EEFSEC: variants seen among roughly 807,000 people sequenced by gnomAD.
EEFSEC encodes the protein eukaryotic elongation factor, selenocysteine-tRNA specific, also known as selenocysteine-specific elongation factor.
In EEFSEC, 43 loss-of-function variants were observed where a neutral mutation model predicts 42.1. The observed-to-expected ratio is 1.02, with a 90% CI of 0.80 to 1.32. The LOEUF is 1.32. Ranked by LOEUF, EEFSEC falls within the 40% of genes most tolerant of loss-of-function variation. The pLI is 0.00. For synonymous variants in EEFSEC, 354 were observed against 339.1 expected, an observed-to-expected ratio of 1.04 and a Z score of -0.48; for missense variants, 745 against 803.6, an observed-to-expected ratio of 0.93 and a Z score of 0.88.
At chr3:128,416,105 G>C in the EEFSEC span, among the ~76,000 whole-genome samples, 37 of 152,170 alleles carry the variant, frequency 2.4e-4, no homozygotes, top group Non-Finnish European at 1.2e-4. Flanking sequence ...GATAAGGAGA[G>C]ACGGTTGCAG....
chr3:128,235,968 T>TTGTC (rs1384655334), intron 1 of EEFSEC, among the ~76,000 whole-genome samples: 1 of 152,030 alleles, frequency 6.6e-6, no homozygotes, highest in Non-Finnish European at 1.5e-5. Context: ...GTTTGTTTGT[T>TTGTC]TGTTTGTTTG....
chr3:128,250,433 A>T (rs2107905782), intron 2 of EEFSEC, among the ~76,000 whole-genome samples: 1 of 152,190 alleles, frequency 6.6e-6, no homozygotes, highest in South Asian at 2.1e-4. Context: ...TTTGTATATG[A>T]TGTAAGTTAA....
rs145065163 is a variant in EEFSEC, at chr3:128,176,340, C to T, written c.316+22517C>T. ...TAATCAGAGTATGGGAGCTTAACTG[C>T]GTTGATCGGCTGTAAAATTGTGAGT... On this transcript the variant is annotated intron_variant, in intron 1 of 6. Coordinates refer to ENST00000254730, the MANE Select transcript of EEFSEC (RefSeq NM_021937.5). 1.0e-3 allele frequency among the ~76,000 whole-genome samples: 159 copies of T among 152,026 alleles called. 1 individual carries two copies. The highest frequency in any genetic ancestry group is 3.6e-3 in the African/African-American group (151 of 41,412).
intron 1 of EEFSEC, 69 bp from the exon 2 acceptor site, chr3:128,246,767 G>T (rs1416081103): frequency 2.6e-6 from 4 of 1,540,962 alleles, no homozygotes; most frequent in Non-Finnish European, 3.6e-6. Context: ...TTGACCTGGG[G>T]CATTGGGCAA....
the EEFSEC span, among the ~76,000 whole-genome samples, chr3:128,423,216 C>CA: frequency 1.3e-5 from 2 of 152,034 alleles, no homozygotes; most frequent in Admixed American, 6.5e-5. Context: ...AAGTTACTGC[C>CA]AAAAAATGGA....
chr3:128,173,469 C>T lies in EEFSEC; in HGVS notation c.316+19646C>T, dbSNP rs72985514. ...GAGTGAGAATTCCTGCAATGAACGACGTGAATGGCGCACCGGAGAGATATG... is the reference window on the plus strand; with the variant it reads ...GAGTGAGAATTCCTGCAATGAACGATGTGAATGGCGCACCGGAGAGATATG... On this transcript the variant is annotated intron_variant, in intron 1 of 6. Transcript: ENST00000254730. 2.0e-3 allele frequency among the ~76,000 whole-genome samples: 308 copies of T among 152,280 alleles called. 1 individual carries two copies. Among genetic ancestry groups the T allele is most frequent in the African/African-American group, 7.0e-3 (291 of 41,562 alleles).
At chr3:128,346,865 A>G (rs929917771) in intron 5 of EEFSEC, among the ~76,000 whole-genome samples, 1 of 152,234 alleles carries the variant, frequency 6.6e-6, no homozygotes, top group East Asian at 1.9e-4. Flanking sequence ...TAGTTTTCAC[A>G]TGTAACAAAA....
Position 128,237,080 on chromosome 3 carries a change from A to G in EEFSEC, c.317-9756A>G, listed in dbSNP as rs183893273. On this transcript the variant is annotated intron_variant, in intron 1 of 6. Transcript: ENST00000254730. Reference sequence around the variant, plus strand: ...TGTGAACTAGCTGTTGATACCATTTACATTTTTGATTGGACTGTCGCTCTT... The same window carrying G: ...TGTGAACTAGCTGTTGATACCATTTGCATTTTTGATTGGACTGTCGCTCTT... Among the ~76,000 whole-genome samples, 5 of 152,338 alleles carry G rather than the reference A, an allele frequency of 3.3e-5. No homozygotes were observed. The East Asian group carries it at 9.6e-4, about 29-fold the overall frequency.
rs147070650 is a variant in EEFSEC, at chr3:128,379,774, G to T, written c.1600+21401G>T. On this transcript the variant is annotated intron_variant, in intron 6 of 6. Transcript: ENST00000254730. Reference sequence around the variant, plus strand: ...GGACTTTCCAAGAAGGAGTGTCTTCGTGGGGTCACAGAGCTTTCTCCAGGA... The same window carrying T: ...GGACTTTCCAAGAAGGAGTGTCTTCTTGGGGTCACAGAGCTTTCTCCAGGA... Among the ~76,000 whole-genome samples, 149 of 152,364 alleles carry T rather than the reference G, an allele frequency of 9.8e-4. 1 individual carries two copies. The highest frequency in any genetic ancestry group is 3.4e-3 in the African/African-American group (143 of 41,586).
At chr3:128,288,228 A>C (rs2066607320) in intron 4 of EEFSEC, among the ~76,000 whole-genome samples, 1 of 152,112 alleles carries the variant, frequency 6.6e-6, no homozygotes, top group Non-Finnish European at 1.5e-5. Context: ...TCCCTAGGAG[A>C]TGGCTTTGGC....
chr3:128,420,600 G>A, the EEFSEC span, among the ~76,000 whole-genome samples: 4 of 152,206 alleles, frequency 2.6e-5, no homozygotes, highest in African/African-American at 9.6e-5. Flanking sequence ...AGCCCTCCAC[G>A]TCCTTCTTTC....
At chr3:128,220,795 G>C (rs548941883) in intron 1 of EEFSEC, among the ~76,000 whole-genome samples, 4 of 152,204 alleles carry the variant, frequency 2.6e-5, no homozygotes, top group Non-Finnish European at 5.9e-5. Context: ...CTTCAAGCCT[G>C]TGTTTCCTCT....
chr3:128,360,804 T>C (rs1188777764), intron 6 of EEFSEC, among the ~76,000 whole-genome samples: 1 of 152,132 alleles, frequency 6.6e-6, no homozygotes, highest in African/African-American at 2.4e-5. Context: ...GTCTGGTCAA[T>C]GTTGACTTTT....
intron 1 of EEFSEC, 72 bp downstream of exon 1, chr3:128,153,895 G>T: frequency 1.4e-6 from 2 of 1,427,890 alleles, no homozygotes; most frequent in Non-Finnish European, 1.8e-6. Flanking sequence ...GTCCGAATTC[G>T]CTCGAGCCTT....
intron 4 of EEFSEC, among the ~76,000 whole-genome samples, chr3:128,340,693 A>C (rs907357867): frequency 2.6e-5 from 4 of 152,196 alleles, no homozygotes; most frequent in African/African-American, 9.7e-5. Flanking sequence ...GGGCTGGGTT[A>C]CCACTAAGGA....
intron 1 of EEFSEC, among the ~76,000 whole-genome samples, chr3:128,179,387 C>T (rs960093042): frequency 7.2e-5 from 11 of 152,218 alleles, no homozygotes; most frequent in Non-Finnish European, 1.6e-4. Flanking sequence ...CAGCTAGAAT[C>T]GTGTAGGCAT....
rs2068142278 is a variant in EEFSEC, at chr3:128,408,142, G to A, written c.1674G>A (p.Glu558=). 1 of 1,611,876 alleles carries A rather than the reference G, an allele frequency of 6.2e-7. No homozygotes were observed. Residue 558 remains glutamate (E), a synonymous_variant, in exon 7 of 7, where the codon GAG becomes GAA. Transcript: ENST00000254730. ...AGCGGGCCCGGGCTGGCCGTGGGGA[G>A]GCCACCAGGCAGGAGGAGAGCGCCG... ...LKKRARAGRG[E]ATRQEESAER... is the part of the protein sequence containing the mutation.
chr3:128,356,999 A>G (rs1012651343), intron 5 of EEFSEC, among the ~76,000 whole-genome samples: 1 of 152,246 alleles, frequency 6.6e-6, no homozygotes. Flanking sequence ...CATCTTCTCC[A>G]GCAAGCACAT....
intron 1 of EEFSEC, among the ~76,000 whole-genome samples, chr3:128,218,925 C>T (rs1417757424): frequency 6.6e-6 from 1 of 152,204 alleles, no homozygotes; most frequent in Non-Finnish European, 1.5e-5. Context: ...TAGGCATTCC[C>T]TCAGAACTTT....
Sources: allele counts gnomAD v4.1 joint callset (sites outside exome capture counted in the v4.1 genomes callset), GRCh38; gene constraint gnomAD v4.1.1; transcripts MANE v1.5; gene names NCBI Gene and HGNC (gene_info 2026-07-23, HGNC 2026-07-21).